MCEMP1: variants seen among roughly 807,000 people sequenced by gnomAD.
The protein encoded by MCEMP1 is mast cell-expressed membrane protein 1.
Under a neutral mutation model 27.9 loss-of-function variants are expected in MCEMP1, and 17 were observed. That is an observed-to-expected ratio of 0.61 (90% CI 0.42 to 0.91). MCEMP1 has a LOEUF of 0.91. Among genes scored for constraint, MCEMP1 ranks in the 40% least tolerant of loss-of-function variants. The pLI, the probability that MCEMP1 is intolerant of heterozygous loss-of-function variation, is 0.00. For missense variants in MCEMP1, 200 were observed against 204.8 expected (o/e 0.98, Z 0.14); for synonymous variants, 88 against 76.9 (o/e 1.14, Z -0.76).
chr19:7,678,193 C>G lies in MCEMP1; in HGVS notation c.235C>G (p.Leu79Val). The stretch of plus-strand genomic sequence containing the variant: ...CCTGAGCCTGTACATCCTCCTGGCC[C>G]TGGCCTTTGTCCTCTGCATCATCCT... ...AILSLYILLA[L>V]AFVLCIILSA... The change falls in exon 3 of 7, where the codon CTG (leucine) becomes GTG (valine). Residue 79 changes from leucine to valine, a missense_variant. Leu to Val is a conservative substitution (Grantham distance 32). Coordinates refer to ENST00000333598, the MANE Select transcript of MCEMP1 (RefSeq NM_174918.3). This position sits in a 1 kb window ranked among gnomAD's most constrained non-coding sequence, Gnocchi z 4.8. 6.2e-7 allele frequency: 1 copy of G among 1,614,110 alleles called. No individual in the cohort carries two copies. The highest frequency in any genetic ancestry group is 1.1e-5 in the South Asian group (1 of 91,082).
rs115072967 is a variant in MCEMP1 at position 7,679,197 on chromosome 19, C to T, written c.*83C>T. On this transcript the variant is annotated 3_prime_UTR_variant, in exon 7 of 7. Coordinates refer to ENST00000333598, the MANE Select transcript of MCEMP1 (RefSeq NM_174918.3). The surrounding 1 kb of genome is among the most constrained non-coding windows in gnomAD (Gnocchi z 4.9). ...AACGAAGACGGGAAATGACCCCCCC[C>T]CCCCAGCCTAGTGTGAACCTGCCCC... 1.7e-4 allele frequency: 241 copies of T among 1,422,452 alleles called. No homozygotes were observed. Among genetic ancestry groups the T allele is most frequent in the South Asian group, 1.6e-3 (112 of 71,470 alleles). 88.1% of individuals were successfully genotyped at this position (1,422,452 alleles called of 1,614,324 possible). A position where few individuals can be genotyped will look rare whatever the true frequency, so the allele number is the denominator to read the frequency against.
chr19:7,679,232 G>C lies in MCEMP1; in HGVS notation c.*118G>C. On this transcript the variant is annotated 3_prime_UTR_variant, in exon 7 of 7. Transcript: ENST00000333598. This position sits in a 1 kb window ranked among gnomAD's most constrained non-coding sequence, Gnocchi z 4.9. Reference sequence around the variant, plus strand: ...AGTGTGAACCTGCCCCTCGTCCCACGTATAGAAAAACCTCGAGTCATGGTG... The same window carrying C: ...AGTGTGAACCTGCCCCTCGTCCCACCTATAGAAAAACCTCGAGTCATGGTG... 7.9e-7 allele frequency: 1 copy of C among 1,262,968 alleles called. No homozygotes were observed. Among genetic ancestry groups the C allele is most frequent in the Non-Finnish European group, 1.1e-6 (1 of 928,668 alleles). 78.2% of individuals were successfully genotyped at this position (1,262,968 alleles called of 1,614,324 possible). A position where few individuals can be genotyped will look rare whatever the true frequency, so the allele number is the denominator to read the frequency against.
rs1290565425 is a variant in MCEMP1, at chr19:7,677,775, G to A, written c.145+49G>A. The stretch of plus-strand genomic sequence containing the variant: ...CATCCCATCACCTTGGGAAGGGGCA[G>A]GTGGGCGGGCAACTGCAGGGCCCCC... On this transcript the variant is annotated intron_variant, in intron 2 of 6. Transcript: ENST00000333598. The surrounding 1 kb of genome is among the most constrained non-coding windows in gnomAD (Gnocchi z 4.6). 3 of 1,502,182 alleles carry A rather than the reference G, an allele frequency of 2.0e-6. No individual in the cohort carries two copies. Among genetic ancestry groups the A allele is most frequent in the Non-Finnish European group, 2.7e-6 (3 of 1,113,186 alleles). The allele number at this position is 1,502,182 out of a possible 1,614,324, so 93.1% of individuals were successfully genotyped here.
At position 7,679,308 on chromosome 19, in the gene MCEMP1, G is replaced by C. The variant is rs2032595513; in HGVS notation, c.*194G>C. The C allele has an allele frequency of 1.5e-6, 1 of 669,124 alleles. No individual in the cohort carries two copies. Among genetic ancestry groups the C allele is most frequent in the African/African-American group, 1.8e-5 (1 of 54,974 alleles). 41.4% of individuals were successfully genotyped at this position (669,124 alleles called of 1,614,324 possible). A position where few individuals can be genotyped will look rare whatever the true frequency, so the allele number is the denominator to read the frequency against. On this transcript the variant is annotated 3_prime_UTR_variant, in exon 7 of 7. Coordinates refer to ENST00000333598, the MANE Select transcript of MCEMP1 (RefSeq NM_174918.3). The surrounding 1 kb of genome is among the most constrained non-coding windows in gnomAD (Gnocchi z 4.9). Reference sequence around the variant, plus strand: ...TGTGTGTACACCTGCGTGCGTGTGTGTGCGTGTGTGCGCGTGTGTTCGTGT... The same window carrying C: ...TGTGTGTACACCTGCGTGCGTGTGTCTGCGTGTGTGCGCGTGTGTTCGTGT...
chr19:7,679,323 T>G lies in MCEMP1; in HGVS notation c.*209T>G. 1 of 626,154 alleles carries G rather than the reference T, an allele frequency of 1.6e-6. No individual in the cohort carries two copies. Among genetic ancestry groups the G allele is most frequent in the Non-Finnish European group, 2.8e-6 (1 of 362,064 alleles). 38.8% of individuals were successfully genotyped at this position (626,154 alleles called of 1,614,324 possible). ...GTGCGTGTGTGTGCGTGTGTGCGCG[T>G]GTGTTCGTGTATGTGCGTGTGTGCG... On this transcript the variant is annotated 3_prime_UTR_variant, in exon 7 of 7. Transcript: ENST00000333598. The surrounding 1 kb of genome is among the most constrained non-coding windows in gnomAD (Gnocchi z 4.9).
chr19:7,678,156 G>T lies in MCEMP1; in HGVS notation c.198G>T (p.Leu66Phe). ...PSDSTQVPCW[L>F]YRAILSLYIL... ...ACTCCACCCAGGTCCCCTGCTGGTT[G>T]TACAGAGCCATCCTGAGCCTGTACA... Residue 66 changes from leucine (L) to phenylalanine (F), a missense_variant, in exon 3 of 7, where the codon TTG (leucine) becomes TTT (phenylalanine). By Grantham distance (22) the Leu-to-Phe change is conservative (BLOSUM62 0). Coordinates refer to ENST00000333598, the MANE Select transcript of MCEMP1 (RefSeq NM_174918.3). The surrounding 1 kb of genome is among the most constrained non-coding windows in gnomAD (Gnocchi z 4.8). The T allele has an allele frequency of 6.2e-7, 1 of 1,613,972 alleles. No individual in the cohort carries two copies. The highest frequency in any genetic ancestry group is 8.5e-7 in the Non-Finnish European group (1 of 1,179,916).
At position 7,678,588 on chromosome 19, in the gene MCEMP1, A is replaced by G. The variant is rs368187849; in HGVS notation, c.432A>G (p.Leu144=). 6.2e-7 allele frequency: 1 copy of G among 1,613,836 alleles called. No homozygotes were observed. Among genetic ancestry groups the G allele is most frequent in the Non-Finnish European group, 8.5e-7 (1 of 1,179,736 alleles). Residue 144 remains leucine (L), a synonymous_variant, in exon 5 of 7, where the codon TTA becomes TTG. Coordinates refer to ENST00000333598, the MANE Select transcript of MCEMP1 (RefSeq NM_174918.3). This position sits in a 1 kb window ranked among gnomAD's most constrained non-coding sequence, Gnocchi z 4.8. The stretch of plus-strand genomic sequence containing the variant: ...TGGTCAGGAGCAAGATTGATAGATT[A>G]GAGACGACATTAGCAGGTGCCTGTG... ...ITMVRSKIDR[L]ETTLAGIKNI... is the part of the protein sequence containing the mutation.
At position 7,677,930 on chromosome 19, in the gene MCEMP1, G is replaced by A; in HGVS notation, c.146-174G>A. On this transcript the variant is annotated intron_variant, in intron 2 of 6. Coordinates refer to ENST00000333598, the MANE Select transcript of MCEMP1 (RefSeq NM_174918.3). This position sits in a 1 kb window ranked among gnomAD's most constrained non-coding sequence, Gnocchi z 4.6. ...GGGGTCTGTGATGGTGACGGTGTTA[G>A]ATCGCTGAGGGTGGCTGGTGGTGGC... 1 of 1,131,230 alleles carries A rather than the reference G, an allele frequency of 8.8e-7. No homozygotes were observed. The highest frequency in any genetic ancestry group is 2.4e-5 in the East Asian group (1 of 42,232). The allele number at this position is 1,131,230 out of a possible 1,614,324, so 70.1% of individuals were successfully genotyped here. A position where few individuals can be genotyped will look rare whatever the true frequency, so the allele number is the denominator to read the frequency against.
In MCEMP1 at chr19:7,679,435, T is replaced by A. The variant is rs1442150200; in HGVS notation, c.*321T>A. ...GAATGAATAGGACTGAGAGTCACAGTGAATGTGGCATGCATGCCTGTGTCA... is the reference window on the plus strand; with the variant it reads ...GAATGAATAGGACTGAGAGTCACAGAGAATGTGGCATGCATGCCTGTGTCA... On this transcript the variant is annotated 3_prime_UTR_variant, in exon 7 of 7. Transcript: ENST00000333598. The surrounding 1 kb of genome is among the most constrained non-coding windows in gnomAD (Gnocchi z 4.9). 2.7e-6 allele frequency: 1 copy of A among 375,796 alleles called. No homozygotes were observed. The highest frequency in any genetic ancestry group is 4.8e-6 in the Non-Finnish European group (1 of 208,954). The allele number at this position is 375,796 out of a possible 1,614,324, so 23.3% of individuals were successfully genotyped here. A position where few individuals can be genotyped will look rare whatever the true frequency, so the allele number is the denominator to read the frequency against.
At position 7,679,209 on chromosome 19, in the gene MCEMP1, T is replaced by A; in HGVS notation, c.*95T>A. The A allele has an allele frequency of 7.9e-7, 1 of 1,262,422 alleles. No homozygotes were observed. Among genetic ancestry groups the A allele is most frequent in the Admixed American group, 2.9e-5 (1 of 34,008 alleles). 78.2% of individuals were successfully genotyped at this position (1,262,422 alleles called of 1,614,324 possible). On this transcript the variant is annotated 3_prime_UTR_variant, in exon 7 of 7. Transcript: ENST00000333598. This position sits in a 1 kb window ranked among gnomAD's most constrained non-coding sequence, Gnocchi z 4.9. ...AAATGACCCCCCCCCCCCAGCCTAGTGTGAACCTGCCCCTCGTCCCACGTA... is the reference window on the plus strand; with the variant it reads ...AAATGACCCCCCCCCCCCAGCCTAGAGTGAACCTGCCCCTCGTCCCACGTA...
chr19:7,678,971 C>A lies in MCEMP1; in HGVS notation c.496C>A (p.Gln166Lys). Residue 166 changes from glutamine to lysine, a missense_variant, in exon 6 of 7, where the codon CAG becomes AAG. Gln to Lys is a moderately conservative substitution (Grantham distance 53). Transcript: ENST00000333598. This position sits in a 1 kb window ranked among gnomAD's most constrained non-coding sequence, Gnocchi z 4.8. The stretch of plus-strand genomic sequence containing the variant: ...GGTACAGAAAATCTTGGAGGTGCTG[C>A]AGAAAATGCCACGTAAGTTGGCGCC... ...TKVQKILEVLQKMPQSSPQ is the reference protein window; with the variant it reads ...TKVQKILEVLKKMPQSSPQ 6.6e-7 allele frequency: 1 copy of A among 1,516,680 alleles called. No individual in the cohort carries two copies. Among genetic ancestry groups the A allele is most frequent in the Non-Finnish European group, 8.9e-7 (1 of 1,122,372 alleles). 94.0% of individuals were successfully genotyped at this position (1,516,680 alleles called of 1,614,324 possible).
At position 7,678,850 on chromosome 19, in the gene MCEMP1, A is replaced by C. The variant is rs541401688; in HGVS notation, c.449-74A>C. Reference sequence around the variant, plus strand: ...TGGGGCAGGGGGGGTGCTTCCAAGGAAGGTGGGGGCTTTGTTTGAGGCTCC... The same window carrying C: ...TGGGGCAGGGGGGGTGCTTCCAAGGCAGGTGGGGGCTTTGTTTGAGGCTCC... On this transcript the variant is annotated intron_variant, in intron 5 of 6. Transcript: ENST00000333598. This position sits in a 1 kb window ranked among gnomAD's most constrained non-coding sequence, Gnocchi z 4.8. 7.7e-6 allele frequency: 11 copies of C among 1,419,874 alleles called. No individual in the cohort carries two copies. The highest frequency in any genetic ancestry group is 9.6e-6 in the Non-Finnish European group (10 of 1,039,416). 88.0% of individuals were successfully genotyped at this position (1,419,874 alleles called of 1,614,324 possible). A position where few individuals can be genotyped will look rare whatever the true frequency, so the allele number is the denominator to read the frequency against.
rs762309852 is a variant in MCEMP1, at chr19:7,678,207, C to T, written c.249C>T (p.Leu83=). The change falls in exon 3 of 7, where the codon CTC becomes CTT. Residue 83 remains leucine, a synonymous_variant. Transcript: ENST00000333598. The surrounding 1 kb of genome is among the most constrained non-coding windows in gnomAD (Gnocchi z 4.8). The part of the protein sequence containing the change: ...LYILLALAFV[L]CIILSAFIMV... ...TCCTCCTGGCCCTGGCCTTTGTCCTCTGCATCATCCTGTCAGCCTTCATCA... is the reference window on the plus strand; with the variant it reads ...TCCTCCTGGCCCTGGCCTTTGTCCTTTGCATCATCCTGTCAGCCTTCATCA... 2 of 1,614,134 alleles carry T rather than the reference C, an allele frequency of 1.2e-6. No individual in the cohort carries two copies. Among genetic ancestry groups the T allele is most frequent in the Non-Finnish European group, 1.7e-6 (2 of 1,179,990 alleles).
At position 7,679,195 on chromosome 19, in the gene MCEMP1, C is replaced by T; in HGVS notation, c.*81C>T. 6 of 1,424,288 alleles carry T rather than the reference C, an allele frequency of 4.2e-6. 1 individual carries two copies. The South Asian group carries it at 5.6e-5, about 13-fold the overall frequency. 88.2% of individuals were successfully genotyped at this position (1,424,288 alleles called of 1,614,324 possible). On this transcript the variant is annotated 3_prime_UTR_variant, in exon 7 of 7. Coordinates refer to ENST00000333598, the MANE Select transcript of MCEMP1 (RefSeq NM_174918.3). This position sits in a 1 kb window ranked among gnomAD's most constrained non-coding sequence, Gnocchi z 4.9. ...CCAACGAAGACGGGAAATGACCCCCCCCCCCCAGCCTAGTGTGAACCTGCC... is the reference window on the plus strand; with the variant it reads ...CCAACGAAGACGGGAAATGACCCCCTCCCCCCAGCCTAGTGTGAACCTGCC...
In MCEMP1 at chr19:7,677,540, C is replaced by G. The variant is rs1165827600; in HGVS notation, c.56-97C>G. The G allele has an allele frequency of 7.5e-6, 9 of 1,197,664 alleles. No individual in the cohort carries two copies. The African/African-American group carries it at 1.2e-4, about 16-fold the overall frequency. 74.2% of individuals were successfully genotyped at this position (1,197,664 alleles called of 1,614,324 possible). On this transcript the variant is annotated intron_variant, in intron 1 of 6. Coordinates refer to ENST00000333598, the MANE Select transcript of MCEMP1 (RefSeq NM_174918.3). The surrounding 1 kb of genome is among the most constrained non-coding windows in gnomAD (Gnocchi z 4.6). ...AGCTTCTCACTCCTTATCTTTCACC[C>G]CCTACAATTTATTGAGTGCAAAGGG...
chr19:7,677,214 A>G lies in MCEMP1; in HGVS notation c.55+39A>G. ...AGGTGGAAGGGAGGGGTTAAGAAGG[A>G]GAGATTGGGGGGCCGGGGGCTTTTG... On this transcript the variant is annotated intron_variant, in intron 1 of 6. Transcript: ENST00000333598. This position sits in a 1 kb window ranked among gnomAD's most constrained non-coding sequence, Gnocchi z 4.6. The G allele has an allele frequency of 6.5e-7, 1 of 1,529,546 alleles. No individual in the cohort carries two copies. The highest frequency in any genetic ancestry group is 1.2e-5 in the South Asian group (1 of 83,968). 94.7% of individuals were successfully genotyped at this position (1,529,546 alleles called of 1,614,324 possible).
In MCEMP1 at chr19:7,679,161, C is replaced by T; in HGVS notation, c.*47C>T. On this transcript the variant is annotated 3_prime_UTR_variant, in exon 7 of 7. Transcript: ENST00000333598. The surrounding 1 kb of genome is among the most constrained non-coding windows in gnomAD (Gnocchi z 4.9). ...CAAAGCCACAACTTGGAAGATGGGGCTGCACCTGCCAACGAAGACGGGAAA... is the reference window on the plus strand; with the variant it reads ...CAAAGCCACAACTTGGAAGATGGGGTTGCACCTGCCAACGAAGACGGGAAA... 1 of 1,529,614 alleles carries T rather than the reference C, an allele frequency of 6.5e-7. No individual in the cohort carries two copies. Among genetic ancestry groups the T allele is most frequent in the South Asian group, 1.2e-5 (1 of 83,528 alleles). The allele number at this position is 1,529,614 out of a possible 1,614,324, so 94.8% of individuals were successfully genotyped here. A position where few individuals can be genotyped will look rare whatever the true frequency, so the allele number is the denominator to read the frequency against.
chr19:7,679,282 G>A lies in MCEMP1; in HGVS notation c.*168G>A, dbSNP rs1458327633. ...GAATGAGTGTCTCGGAGTTGCTCGT[G>A]TGTGTGTACACCTGCGTGCGTGTGT... On this transcript the variant is annotated 3_prime_UTR_variant, in exon 7 of 7. Coordinates refer to ENST00000333598, the MANE Select transcript of MCEMP1 (RefSeq NM_174918.3). This position sits in a 1 kb window ranked among gnomAD's most constrained non-coding sequence, Gnocchi z 4.9. 1.2e-6 allele frequency: 1 copy of A among 828,616 alleles called. No individual in the cohort carries two copies. The highest frequency in any genetic ancestry group is 1.9e-6 in the Non-Finnish European group (1 of 533,188). The allele number at this position is 828,616 out of a possible 1,614,324, so 51.3% of individuals were successfully genotyped here.
rs941510067 is a variant in MCEMP1 at position 7,679,199 on chromosome 19, C to G, written c.*85C>G. ...CGAAGACGGGAAATGACCCCCCCCC[C>G]CCAGCCTAGTGTGAACCTGCCCCTC... On this transcript the variant is annotated 3_prime_UTR_variant, in exon 7 of 7. Transcript: ENST00000333598. This position sits in a 1 kb window ranked among gnomAD's most constrained non-coding sequence, Gnocchi z 4.9. 56 of 1,361,430 alleles carry G rather than the reference C, an allele frequency of 4.1e-5. No individual in the cohort carries two copies. Among genetic ancestry groups the G allele is most frequent in the Admixed American group, 2.2e-4 (9 of 40,934 alleles). 84.3% of individuals were successfully genotyped at this position (1,361,430 alleles called of 1,614,324 possible).
Sources: allele counts gnomAD v4.1 joint callset, GRCh38; gene constraint gnomAD v4.1.1; non-coding constraint Gnocchi (gnomAD v3.1); transcripts MANE v1.5; gene names NCBI Gene and HGNC (gene_info 2026-07-23, HGNC 2026-07-21).